NNAT: variants seen among roughly 807,000 people sequenced by gnomAD.
NNAT encodes neuronatin.
Under a neutral mutation model 12.7 loss-of-function variants are expected in NNAT, and 8 were observed. That is an observed-to-expected ratio of 0.63 (90% confidence interval 0.37 to 1.14). The LOEUF (loss-of-function observed/expected upper bound fraction) is 1.14, where lower values mean the gene tolerates loss of function less well. Among genes scored for constraint, NNAT ranks in the 50% most tolerant of loss-of-function variants. The pLI is 0.01. For synonymous variants in NNAT, 52 were observed against 48.5 expected (o/e 1.07, Z -0.30); for missense variants, 94 against 108.3 (o/e 0.87, Z 0.59).
At position 37,522,806 on chromosome 20, in the gene NNAT, T is replaced by TGCATCTCG; in HGVS notation, c.*50_*57dup. The TGCATCTCG allele has an allele frequency of 1.3e-6, 2 of 1,513,274 alleles. No individual in the cohort carries two copies. Among genetic ancestry groups the TGCATCTCG allele is most frequent in the Non-Finnish European group, 1.8e-6 (2 of 1,119,360 alleles). 93.7% of individuals were successfully genotyped at this position (1,513,274 alleles called of 1,614,324 possible). A position where few individuals can be genotyped will look rare whatever the true frequency, so the allele number is the denominator to read the frequency against. On this transcript the variant is annotated 3_prime_UTR_variant, in exon 3 of 3. Coordinates refer to ENST00000649451, the MANE Select transcript of NNAT (RefSeq NM_005386.4). ...GCGGCCGTATCATCAGGTGCTCCTG[T>TGCATCTCG]GCATCTCGGCCAGCACGGGAGCCAG...
At position 37,521,367 on chromosome 20, in the gene NNAT, C is replaced by T. The variant is rs2147187823; in HGVS notation, c.36C>T (p.Leu12=). The change falls in exon 1 of 3, where the codon CTC becomes CTT. Residue 12 remains leucine (L), a synonymous_variant. Transcript: ENST00000649451. This position sits in a 1 kb window ranked among gnomAD's most constrained non-coding sequence, Gnocchi z 4.5. The stretch of plus-strand genomic sequence containing the variant: ...TGGCGGCGGCCTCGGCTGAACTGCT[C>T]ATCATCGGCTGGTACATCTTCCGCG... ...AAVAAASAEL[L]IIGWYIFRVL... 2 of 1,614,110 alleles carry T rather than the reference C, an allele frequency of 1.2e-6. No homozygotes were observed. Among genetic ancestry groups the T allele is most frequent in the South Asian group, 2.2e-5 (2 of 91,078 alleles).
In NNAT at chr20:37,521,601, G is replaced by A. The variant is rs190479199; in HGVS notation, c.72+198G>A. 467 of 582,262 alleles carry A rather than the reference G, an allele frequency of 8.0e-4. No homozygotes were observed. The highest frequency in any genetic ancestry group is 7.8e-3 in the African/African-American group (412 of 52,776). 36.1% of individuals were successfully genotyped at this position (582,262 alleles called of 1,614,324 possible). A position where few individuals can be genotyped will look rare whatever the true frequency, so the allele number is the denominator to read the frequency against. ...GTCCTCCTCGCGCTGACCCTCCCTA[G>A]TGCGCCCGCGCCTGCCAGGGAACAA... On this transcript the variant is annotated intron_variant, in intron 1 of 2. Coordinates refer to ENST00000649451, the MANE Select transcript of NNAT (RefSeq NM_005386.4). The surrounding 1 kb of genome is among the most constrained non-coding windows in gnomAD (Gnocchi z 4.5).
chr20:37,521,551 G>C lies in NNAT; in HGVS notation c.72+148G>C. 2.6e-6 allele frequency: 2 copies of C among 777,940 alleles called. No homozygotes were observed. The highest frequency in any genetic ancestry group is 5.4e-5 in the East Asian group (2 of 37,090). The allele number at this position is 777,940 out of a possible 1,614,324, so 48.2% of individuals were successfully genotyped here. A position where few individuals can be genotyped will look rare whatever the true frequency, so the allele number is the denominator to read the frequency against. ...GCCCAAGTGCCGCTGCCGGCACCGCGCGCCCCCTGCCCATTCCCTGCGCCG... is the reference window on the plus strand; with the variant it reads ...GCCCAAGTGCCGCTGCCGGCACCGCCCGCCCCCTGCCCATTCCCTGCGCCG... On this transcript the variant is annotated intron_variant, in intron 1 of 2. Coordinates refer to ENST00000649451, the MANE Select transcript of NNAT (RefSeq NM_005386.4). The surrounding 1 kb of genome is among the most constrained non-coding windows in gnomAD (Gnocchi z 4.5).
chr20:37,521,505 C>T lies in NNAT; in HGVS notation c.72+102C>T. On this transcript the variant is annotated intron_variant, in intron 1 of 2. Coordinates refer to ENST00000649451, the MANE Select transcript of NNAT (RefSeq NM_005386.4). The surrounding 1 kb of genome is among the most constrained non-coding windows in gnomAD (Gnocchi z 4.5). Reference sequence around the variant, plus strand: ...GCCGCTTCCCGGACCCGTCCTATTCCGATTGCCGCGATCCTTGCCTGCCCA... The same window carrying T: ...GCCGCTTCCCGGACCCGTCCTATTCTGATTGCCGCGATCCTTGCCTGCCCA... The T allele has an allele frequency of 5.1e-6, 6 of 1,171,640 alleles. No homozygotes were observed. Among genetic ancestry groups the T allele is most frequent in the South Asian group, 1.3e-5 (1 of 78,332 alleles). The allele number at this position is 1,171,640 out of a possible 1,614,324, so 72.6% of individuals were successfully genotyped here.
Position 37,521,398 on chromosome 20 carries a change from C to T in NNAT, c.67C>T (p.Leu23=), listed in dbSNP as rs746459152. 2 of 1,614,142 alleles carry T rather than the reference C, an allele frequency of 1.2e-6. No individual in the cohort carries two copies. The highest frequency in any genetic ancestry group is 1.7e-6 in the Non-Finnish European group (2 of 1,179,972). The change falls in exon 1 of 3, where the codon CTG becomes TTG. Residue 23 remains leucine, a synonymous_variant. Coordinates refer to ENST00000649451, the MANE Select transcript of NNAT (RefSeq NM_005386.4). The surrounding 1 kb of genome is among the most constrained non-coding windows in gnomAD (Gnocchi z 4.5). Reference sequence around the variant, plus strand: ...CGGCTGGTACATCTTCCGCGTGCTGCTGCAGGTAAGTCTGACGGGGTTTCG... The same window carrying T: ...CGGCTGGTACATCTTCCGCGTGCTGTTGCAGGTAAGTCTGACGGGGTTTCG... ...IIGWYIFRVL[L]QVFLECCIYW...
intron 2 of NNAT, 83 bp from the exon 3 acceptor site, chr20:37,522,584 T>TG: frequency 1.6e-6 from 1 of 629,024 alleles, no homozygotes; most frequent in Non-Finnish European, 2.1e-6. Flanking sequence ...GGGCAGGGGG[T>TG]GGGGCGGGGG....
rs975683587 is a variant in NNAT, at chr20:37,521,280, C to G, written c.-52C>G. 28 of 1,583,822 alleles carry G rather than the reference C, an allele frequency of 1.8e-5. No homozygotes were observed. The Admixed American group carries it at 4.3e-4, about 25-fold the overall frequency. On this transcript the variant is annotated 5_prime_UTR_variant, in exon 1 of 3. Coordinates refer to ENST00000649451, the MANE Select transcript of NNAT (RefSeq NM_005386.4). The surrounding 1 kb of genome is among the most constrained non-coding windows in gnomAD (Gnocchi z 4.5). ...GCCCAACAGCGGACTCCGAGACCAG[C>G]GGATCTCGGCAAACCCTCTTTCTCG... is the stretch of plus-strand genomic sequence containing the variant.
chr20:37,522,715 G>A lies in NNAT; in HGVS notation c.202G>A (p.Gly68Arg), dbSNP rs745626058. Residue 68 changes from glycine (G) to arginine (R), a missense_variant, in exon 3 of 3, where the codon GGG becomes AGG. Coordinates refer to ENST00000649451, the MANE Select transcript of NNAT (RefSeq NM_005386.4). ...QKLAYTVSRT[G>R]RQVLGERRQR... Reference sequence around the variant, plus strand: ...GCTGGCATACACGGTGTCGCGGACCGGGCGGCAGGTGTTGGGGGAGCGCAG... The same window carrying A: ...GCTGGCATACACGGTGTCGCGGACCAGGCGGCAGGTGTTGGGGGAGCGCAG... 1.2e-6 allele frequency: 2 copies of A among 1,611,894 alleles called. No homozygotes were observed. Among genetic ancestry groups the A allele is most frequent in the South Asian group, 1.1e-5 (1 of 90,770 alleles).
intron 2 of NNAT, 109 bp downstream of exon 2, chr20:37,522,547 C>G: frequency 7.3e-7 from 1 of 1,361,666 alleles, no homozygotes; most frequent in South Asian, 1.3e-5. Flanking sequence ...GCGCCCGCCT[C>G]TCCAGCCTAC....
At chr20:37,522,237 A>C (rs2071610742) in intron 1 of NNAT, 121 bp from the exon 2 acceptor site, 1 of 546,222 alleles carries the variant, frequency 1.8e-6, no homozygotes, top group South Asian at 3.5e-5. Flanking sequence ...TTGGTGTAAA[A>C]AGAGATAAAT....
At position 37,521,589 on chromosome 20, in the gene NNAT, T is replaced by G. The variant is rs1158233552; in HGVS notation, c.72+186T>G. 2 of 623,834 alleles carry G rather than the reference T, an allele frequency of 3.2e-6. No individual in the cohort carries two copies. The highest frequency in any genetic ancestry group is 5.5e-5 in the Admixed American group (2 of 36,190). 38.6% of individuals were successfully genotyped at this position (623,834 alleles called of 1,614,324 possible). A position where few individuals can be genotyped will look rare whatever the true frequency, so the allele number is the denominator to read the frequency against. On this transcript the variant is annotated intron_variant, in intron 1 of 2. Coordinates refer to ENST00000649451, the MANE Select transcript of NNAT (RefSeq NM_005386.4). The surrounding 1 kb of genome is among the most constrained non-coding windows in gnomAD (Gnocchi z 4.5). ...ATTCCCTGCGCCGTCCTCCTCGCGCTGACCCTCCCTAGTGCGCCCGCGCCT... is the reference window on the plus strand; with the variant it reads ...ATTCCCTGCGCCGTCCTCCTCGCGCGGACCCTCCCTAGTGCGCCCGCGCCT...
Position 37,522,672 on chromosome 20 carries a change from C to T in NNAT, c.159C>T (p.Phe53=), listed in dbSNP as rs542858994. 6.2e-6 allele frequency: 10 copies of T among 1,611,336 alleles called. No homozygotes were observed. In the African/African-American group the frequency reaches 1.2e-4, roughly 19 times the overall value. The part of the protein sequence containing the change: ...GTQPIARSEV[F]RYSLQKLAYT... ...TCCTGGGTTTCTCGTCGCAGGTGTT[C>T]AGGTACTCCCTGCAGAAGCTGGCAT... Residue 53 remains phenylalanine (F), a synonymous_variant, in exon 3 of 3, where the codon TTC becomes TTT. Coordinates refer to ENST00000649451, the MANE Select transcript of NNAT (RefSeq NM_005386.4).
In NNAT at chr20:37,522,836, G is replaced by A. The variant is rs967361861; in HGVS notation, c.*77G>A. ...CTCGGCCAGCACGGGAGCCAGTGCC[G>A]CGCAGGAATGTGGGGTCCCCTGTGT... is the stretch of plus-strand genomic sequence containing the variant. On this transcript the variant is annotated 3_prime_UTR_variant, in exon 3 of 3. Coordinates refer to ENST00000649451, the MANE Select transcript of NNAT (RefSeq NM_005386.4). 13 of 1,355,950 alleles carry A rather than the reference G, an allele frequency of 9.6e-6. No individual in the cohort carries two copies. The highest frequency in any genetic ancestry group is 1.4e-5 in the South Asian group (1 of 73,324). 84.0% of individuals were successfully genotyped at this position (1,355,950 alleles called of 1,614,324 possible).
chr20:37,523,040 T>C lies in NNAT; in HGVS notation c.*281T>C, dbSNP rs1601096244. The C allele has an allele frequency of 2.5e-6, 1 of 394,622 alleles. No homozygotes were observed. The highest frequency in any genetic ancestry group is 4.5e-6 in the Non-Finnish European group (1 of 220,428). 24.4% of individuals were successfully genotyped at this position (394,622 alleles called of 1,614,324 possible). On this transcript the variant is annotated 3_prime_UTR_variant, in exon 3 of 3. Transcript: ENST00000649451. ...GGAGCAGACCCCTGAGATCTGGGCATAGGCACCGCATTCTGATCTGGACAA... is the reference window on the plus strand; with the variant it reads ...GGAGCAGACCCCTGAGATCTGGGCACAGGCACCGCATTCTGATCTGGACAA...
Position 37,521,573 on chromosome 20 carries a change from G to A in NNAT, c.72+170G>A. ...CGCGCGCCCCCTGCCCATTCCCTGC[G>A]CCGTCCTCCTCGCGCTGACCCTCCC... On this transcript the variant is annotated intron_variant, in intron 1 of 2. Transcript: ENST00000649451. The surrounding 1 kb of genome is among the most constrained non-coding windows in gnomAD (Gnocchi z 4.5). 1 of 676,960 alleles carries A rather than the reference G, an allele frequency of 1.5e-6. No homozygotes were observed. The highest frequency in any genetic ancestry group is 2.6e-6 in the Non-Finnish European group (1 of 390,526). The allele number at this position is 676,960 out of a possible 1,614,324, so 41.9% of individuals were successfully genotyped here.
At position 37,522,735 on chromosome 20, in the gene NNAT, GCGCAGGCAGCGAGCC is replaced by G. The variant is rs1355284905; in HGVS notation, c.224_238del (p.Arg75_Ala79del). On this transcript the variant is annotated inframe_deletion, in exon 3 of 3. Coordinates refer to ENST00000649451, the MANE Select transcript of NNAT (RefSeq NM_005386.4). Reference sequence around the variant, plus strand: ...GGACCGGGCGGCAGGTGTTGGGGGAGCGCAGGCAGCGAGCCCCCAACTGAGGCCCCAGCTCCCAGC... The same window carrying G: ...GGACCGGGCGGCAGGTGTTGGGGGAGCCCAACTGAGGCCCCAGCTCCCAGC... The G allele has an allele frequency of 3.1e-6, 5 of 1,608,018 alleles. No homozygotes were observed. The African/African-American group carries it at 6.7e-5, about 21-fold the overall frequency.
At position 37,522,712 on chromosome 20, in the gene NNAT, A is replaced by C. The variant is rs753476868; in HGVS notation, c.199A>C (p.Thr67Pro). The change falls in exon 3 of 3, where the codon ACC becomes CCC. Residue 67 changes from threonine (T) to proline (P), a missense_variant. Physicochemically the swap from Thr to Pro is conservative, Grantham distance 38. Transcript: ENST00000649451. ...GAAGCTGGCATACACGGTGTCGCGGACCGGGCGGCAGGTGTTGGGGGAGCG... is the reference window on the plus strand; with the variant it reads ...GAAGCTGGCATACACGGTGTCGCGGCCCGGGCGGCAGGTGTTGGGGGAGCG... ...LQKLAYTVSRTGRQVLGERRQ... is the reference protein window; with the variant it reads ...LQKLAYTVSRPGRQVLGERRQ... 1.2e-6 allele frequency: 2 copies of C among 1,611,870 alleles called. No homozygotes were observed. The highest frequency in any genetic ancestry group is 2.2e-5 in the South Asian group (2 of 90,766).
intron 2 of NNAT, 107 bp from the exon 3 acceptor site, chr20:37,522,560 T>C (rs1601094159): frequency 1.2e-6 from 1 of 847,566 alleles, no homozygotes; most frequent in Non-Finnish European, 1.5e-6. Flanking sequence ...CAGCCTACGC[T>C]GGATGGGCGG....
At position 37,521,385 on chromosome 20, in the gene NNAT, C is replaced by A. The variant is rs1469619266; in HGVS notation, c.54C>A (p.Ile18=). The A allele has an allele frequency of 1.9e-6, 3 of 1,614,002 alleles. No individual in the cohort carries two copies. The highest frequency in any genetic ancestry group is 2.5e-6 in the Non-Finnish European group (3 of 1,179,978). The part of the protein sequence containing the change: ...SAELLIIGWY[I]FRVLLQVFLE... ...AACTGCTCATCATCGGCTGGTACATCTTCCGCGTGCTGCTGCAGGTAAGTC... is the reference window on the plus strand; with the variant it reads ...AACTGCTCATCATCGGCTGGTACATATTCCGCGTGCTGCTGCAGGTAAGTC... Residue 18 remains isoleucine (I), a synonymous_variant, in exon 1 of 3, where the codon ATC becomes ATA. Transcript: ENST00000649451. The surrounding 1 kb of genome is among the most constrained non-coding windows in gnomAD (Gnocchi z 4.5).
Sources: gnomAD v4.1 joint callset for allele counts on GRCh38, gnomAD v4.1.1 for gene constraint, Gnocchi (gnomAD v3.1) non-coding constraint, MANE v1.5 for transcripts, NCBI Gene and HGNC (gene_info 2026-07-23, HGNC 2026-07-21) for gene names.